SLCO4A1: variants seen among roughly 807,000 people sequenced by gnomAD.
SLCO4A1 encodes colon organic anion transporter.
SLCO4A1 carries 51 observed loss-of-function variants against 64.6 expected under a neutral mutation model. The ratio of observed to expected loss-of-function variants is 0.79; its 90% CI spans 0.63 to 1.00. The LOEUF (loss-of-function observed/expected upper bound fraction) is 1.00, where lower values mean the gene tolerates loss of function less well. Among genes scored for constraint, SLCO4A1 ranks in the 50% least tolerant of loss-of-function variants. The probability of loss-of-function intolerance (pLI) is 0.00; values close to 1 mark genes in which losing one functional copy is unlikely to be tolerated. For missense variants in SLCO4A1, 919 were observed against 980.5 expected, an observed-to-expected ratio of 0.94 and a Z score of 0.84; for synonymous variants, 471 against 444.9, an observed-to-expected ratio of 1.06 and a Z score of -0.74.
intron 7 of SLCO4A1, 21 bp downstream of exon 7, chr20:62,666,596 G>T (rs1986389412): frequency 1.9e-6 from 3 of 1,606,586 alleles, no homozygotes; most frequent in African/African-American, 1.3e-5. Context: ...GATGGCACCT[G>T]GGTACGCGTC....
At position 62,666,508 on chromosome 20, in the gene SLCO4A1, A is replaced by G. The variant is rs1306780326; in HGVS notation, c.1405A>G (p.Ile469Val). 1 of 1,613,488 alleles carries G rather than the reference A, an allele frequency of 6.2e-7. No individual in the cohort carries two copies. Among genetic ancestry groups the G allele is most frequent in the East Asian group, 2.2e-5 (1 of 44,870 alleles). The change falls in exon 7 of 12, where the codon ATC becomes GTC. Residue 469 changes from isoleucine (I) to valine (V), a missense_variant. Ile to Val is a conservative substitution (Grantham distance 29). Coordinates refer to ENST00000217159, the MANE Select transcript of SLCO4A1 (RefSeq NM_016354.4). ...CTGCACCGTTGTCAGCCTGCTGGGC[A>G]TCCTCGTCTTCTCACTGCACTGCCC... is the stretch of plus-strand genomic sequence containing the variant. ...LFCTVVSLLG[I>V]LVFSLHCPSV...
intron 11 of SLCO4A1, 63 bp from the exon 12 acceptor site, chr20:62,671,687 C>G: frequency 6.6e-7 from 1 of 1,513,182 alleles, no homozygotes; most frequent in South Asian, 1.2e-5. Context: ...GGGACAGGCC[C>G]ACCAGTATCC....
At chr20:62,688,440 G>A (rs1397757111), downstream of SLCO4A1, among the ~76,000 whole-genome samples, 1 of 152,134 alleles carries the variant, frequency 6.6e-6, no homozygotes, top group East Asian at 1.9e-4. Flanking sequence ...CCGCTCACCT[G>A]TAGCCCCACC....
chr20:62,646,919 C>T (rs1044398578), intron 1 of SLCO4A1, among the ~76,000 whole-genome samples: 2 of 152,244 alleles, frequency 1.3e-5, no homozygotes, highest in Admixed American at 6.5e-5. Context: ...CCCACGCTCC[C>T]AGGTTCAGTG....
At position 62,656,862 on chromosome 20, in the gene SLCO4A1, C is replaced by T; in HGVS notation, c.408C>T (p.Asp136=). 1.9e-6 allele frequency: 3 copies of T among 1,596,372 alleles called. No homozygotes were observed. The highest frequency in any genetic ancestry group is 2.6e-6 in the Non-Finnish European group (3 of 1,167,478). ...TVITSLERRY[D]LHSYQSGLIA... is the part of the protein sequence containing the mutation. Reference sequence around the variant, plus strand: ...TCACCTCCCTGGAGCGCCGCTATGACCTGCACAGCTACCAGAGCGGGCTCA... The same window carrying T: ...TCACCTCCCTGGAGCGCCGCTATGATCTGCACAGCTACCAGAGCGGGCTCA... The change falls in exon 2 of 12, where the codon GAC becomes GAT. Residue 136 remains aspartate, a synonymous_variant. Transcript: ENST00000217159.
chr20:62,665,151 A>G, intron 6 of SLCO4A1, 63 bp downstream of exon 6: 2 of 1,534,520 alleles, frequency 1.3e-6, no homozygotes, highest in Non-Finnish European at 1.8e-6. Flanking sequence ...CAGAGTCTTC[A>G]AGGGCATCTT....
chr20:62,669,480 G>T (rs927074799), intron 11 of SLCO4A1, among the ~76,000 whole-genome samples: 2 of 152,204 alleles, frequency 1.3e-5, no homozygotes, highest in East Asian at 1.9e-4. Context: ...GCCTCAGTCT[G>T]GGGGGCTGGC....
downstream of SLCO4A1, among the ~76,000 whole-genome samples, chr20:62,686,729 G>GGGCA (rs1452710111): frequency 1.3e-5 from 2 of 152,250 alleles, no homozygotes; most frequent in Non-Finnish European, 2.9e-5. Context: ...ATTTTACCAA[G>GGGCA]GGCAGGTTTG....
At chr20:62,646,151 G>A (rs1407103329) in intron 1 of SLCO4A1, among the ~76,000 whole-genome samples, 1 of 152,110 alleles carries the variant, frequency 6.6e-6, no homozygotes, top group Non-Finnish European at 1.5e-5. Flanking sequence ...ACACATTGGG[G>A]GTCAGGTTTG....
chr20:62,652,754 G>A (rs1265022617), intron 1 of SLCO4A1, among the ~76,000 whole-genome samples: 1 of 152,208 alleles, frequency 6.6e-6, no homozygotes, highest in African/African-American at 2.4e-5. Flanking sequence ...GGGTGTGGCC[G>A]CGGGCACCCA....
intron 2 of SLCO4A1, among the ~76,000 whole-genome samples, chr20:62,657,489 C>T (rs919754832): frequency 8.5e-5 from 13 of 152,242 alleles, no homozygotes; most frequent in African/African-American, 2.7e-4. Flanking sequence ...CCGCTGTGCC[C>T]GGGAGCCTCA....
At chr20:62,660,559 C>T (rs768269780) in intron 4 of SLCO4A1, 26 bp downstream of exon 4, 3 of 1,602,238 alleles carry the variant, frequency 1.9e-6, no homozygotes, top group East Asian at 2.2e-5. Flanking sequence ...CCAGCCCAGC[C>T]TTCACATTGG....
intron 11 of SLCO4A1, among the ~76,000 whole-genome samples, chr20:62,670,956 A>C (rs1987127815): frequency 6.6e-6 from 1 of 152,252 alleles, no homozygotes; most frequent in South Asian, 2.1e-4. Flanking sequence ...CAGCGTGGAA[A>C]TCATAGTGGT....
chr20:62,686,421 T>C (rs527985280), downstream of SLCO4A1, among the ~76,000 whole-genome samples: 53 of 152,200 alleles, frequency 3.5e-4, no homozygotes, highest in African/African-American at 1.3e-3. Context: ...AGCTTCAGGA[T>C]GAATGCAACT....
At chr20:62,651,389 C>T (rs929357197) in intron 1 of SLCO4A1, 7 of 152,318 alleles carry the variant, frequency 4.6e-5, no homozygotes, top group Non-Finnish European at 7.3e-5. Flanking sequence ...GAAGCCAGGT[C>T]GCTGCTGGAT....
intron 1 of SLCO4A1, among the ~76,000 whole-genome samples, chr20:62,648,051 C>G (rs1342276420): frequency 6.6e-6 from 1 of 152,248 alleles, no homozygotes; most frequent in Non-Finnish European, 1.5e-5. Flanking sequence ...CACGCATACA[C>G]CCTCCCCAGG....
chr20:62,666,591 C>T lies in SLCO4A1; in HGVS notation c.1472+16C>T. ...ACGGCGGGAGGTGAGGGCCAGATGG[C>T]ACCTGGGTACGCGTCGGGGCCCCAA... On this transcript the variant is annotated intron_variant, in intron 7 of 11. Transcript: ENST00000217159. 1 of 1,608,534 alleles carries T rather than the reference C, an allele frequency of 6.2e-7. No individual in the cohort carries two copies. The highest frequency in any genetic ancestry group is 1.1e-5 in the South Asian group (1 of 91,036).
At chr20:62,662,748 C>T (rs1432874439) in intron 5 of SLCO4A1, among the ~76,000 whole-genome samples, 1 of 148,926 alleles carries the variant, frequency 6.7e-6, no homozygotes, top group Non-Finnish European at 1.5e-5. Context: ...AGCCCCATCC[C>T]CCCATATGCC....
At chr20:62,662,789 C>T (rs1243231727) in intron 5 of SLCO4A1, among the ~76,000 whole-genome samples, 14 of 139,574 alleles carry the variant, frequency 1.0e-4, no homozygotes, top group South Asian at 4.7e-4. Flanking sequence ...ACTCCAGCCC[C>T]GTCACACCAC....
Sources: allele counts gnomAD v4.1 joint callset (sites outside exome capture counted in the v4.1 genomes callset), GRCh38; gene constraint gnomAD v4.1.1; transcripts MANE v1.5; gene names NCBI Gene and HGNC (gene_info 2026-07-23, HGNC 2026-07-21).